Variants in ENTPD1 observed in about 807,000 individuals in gnomAD.
The protein encoded by ENTPD1 is ATP diphosphohydrolase.
ENTPD1 carries 33 observed loss-of-function variants against 57.0 expected under a neutral mutation model. The observed-to-expected ratio is 0.58, with a 90% CI of 0.44 to 0.77. ENTPD1 has a LOEUF of 0.77. Among genes scored for constraint, ENTPD1 ranks in the 30% least tolerant of loss-of-function variants. The probability of loss-of-function intolerance (pLI) is 0.00; values close to 1 mark genes in which losing one functional copy is unlikely to be tolerated. For missense variants in ENTPD1, 501 were observed against 603.4 expected (o/e 0.83, Z 1.78); for synonymous variants, 202 against 218.8 (o/e 0.92, Z 0.68).
chr10:95,831,558 T>C (rs1015525937), intron 2 of ENTPD1, among the ~76,000 whole-genome samples: 4 of 152,250 alleles, frequency 2.6e-5, no homozygotes, highest in African/African-American at 7.2e-5. Context: ...TCATGTCTTA[T>C]CATTTTTGCA....
At chr10:95,852,771 T>G (rs959511397) in intron 7 of ENTPD1, among the ~76,000 whole-genome samples, 5 of 152,220 alleles carry the variant, frequency 3.3e-5, no homozygotes, top group Non-Finnish European at 7.4e-5. Flanking sequence ...GAGGGCTCTG[T>G]TCTGTTCCAT....
At chr10:95,853,577 A>G (rs191433729) in intron 7 of ENTPD1, among the ~76,000 whole-genome samples, 2,109 of 152,224 alleles carry the variant, frequency 0.014, 45 homozygotes, top group Admixed American at 0.046. Flanking sequence ...TTTGTCATAG[A>G]TAGCTCTTAT....
rs2098486090 is a variant in ENTPD1 at position 95,876,662 on chromosome 10, TAATA to T, written c.*10281_*10284del. 1 of 1,226,210 alleles carries T rather than the reference TAATA, an allele frequency of 8.2e-7. No individual in the cohort carries two copies. Among genetic ancestry groups the T allele is most frequent in the Admixed American group, 4.2e-5 (1 of 23,584 alleles). The allele number at this position is 1,226,210 out of a possible 1,614,324, so 76.0% of individuals were successfully genotyped here. ...TGGCTGTCTTCTGGACAGGCCATTC[TAATA>T]ACAGAAACAAACAAGTTATTTTAAA... On this transcript the variant is annotated 3_prime_UTR_variant, in exon 10 of 10. Coordinates refer to ENST00000371205, the MANE Select transcript of ENTPD1 (RefSeq NM_001776.6).
chr10:95,801,583 T>A (rs1379097265), intron 1 of ENTPD1, among the ~76,000 whole-genome samples: 2 of 152,116 alleles, frequency 1.3e-5, no homozygotes, highest in Non-Finnish European at 1.5e-5. Flanking sequence ...TATTTATTTT[T>A]GAGGCAGAGA....
upstream of ENTPD1, chr10:95,755,530 T>C: frequency 1.6e-6 from 1 of 622,442 alleles, no homozygotes; most frequent in South Asian, 2.1e-5. Flanking sequence ...TGGGAAATGG[T>C]GGATGACTTT....
At chr10:95,841,140 A>C (rs2098421680) in intron 3 of ENTPD1, among the ~76,000 whole-genome samples, 1 of 152,104 alleles carries the variant, frequency 6.6e-6, no homozygotes, top group African/African-American at 2.4e-5. Flanking sequence ...TAATCCCAGC[A>C]CTTTGGGAGG....
chr10:95,859,307 C>T (rs1566249743), intron 7 of ENTPD1, among the ~76,000 whole-genome samples: 1 of 152,208 alleles, frequency 6.6e-6, no homozygotes, highest in Admixed American at 6.5e-5. Flanking sequence ...TCTGCTACCT[C>T]CTGTTTCTTT....
At chr10:95,833,290 T>C (rs2098401753) in intron 2 of ENTPD1, among the ~76,000 whole-genome samples, 1 of 152,198 alleles carries the variant, frequency 6.6e-6, no homozygotes, top group East Asian at 1.9e-4. Context: ...TATGTGTGTT[T>C]TACAGCAATT....
chr10:95,862,549 A>G (rs1330406612), intron 8 of ENTPD1, among the ~76,000 whole-genome samples: 1 of 152,218 alleles, frequency 6.6e-6, no homozygotes, highest in Non-Finnish European at 1.5e-5. Context: ...GGCAAGGGAA[A>G]TAAAATGCAA....
intron 1 of ENTPD1, among the ~76,000 whole-genome samples, chr10:95,779,502 T>C (rs1328177406): frequency 1.3e-5 from 2 of 152,220 alleles, no homozygotes; most frequent in East Asian, 3.8e-4. Context: ...TATTAATGTA[T>C]GCTGGAGTTG....
At chr10:95,787,658 G>T (rs1249608452) in intron 1 of ENTPD1, among the ~76,000 whole-genome samples, 1 of 152,106 alleles carries the variant, frequency 6.6e-6, no homozygotes, top group East Asian at 1.9e-4. Context: ...GTAGACTGTT[G>T]ATGCAGTATC....
chr10:95,785,975 A>G (rs941673922), intron 1 of ENTPD1, among the ~76,000 whole-genome samples: 2 of 152,198 alleles, frequency 1.3e-5, no homozygotes, highest in East Asian at 1.9e-4. Flanking sequence ...CCTAGCATCC[A>G]GTGGTGCTGC....
At chr10:95,836,177 A>T (rs1288673720) in intron 2 of ENTPD1, among the ~76,000 whole-genome samples, 1 of 152,082 alleles carries the variant, frequency 6.6e-6, no homozygotes, top group Non-Finnish European at 1.5e-5. Flanking sequence ...TGTTCCATTG[A>T]TCTATGTATC....
rs1268472933 is a variant in ENTPD1 at position 95,864,706 on chromosome 10, C to G, written c.1189-18C>G. The G allele has an allele frequency of 6.2e-7, 1 of 1,613,868 alleles. No homozygotes were observed. Among genetic ancestry groups the G allele is most frequent in the Non-Finnish European group, 8.5e-7 (1 of 1,179,968 alleles). ...TGCCTATCATACGAGTATGATCTCC[C>G]CCTCACTTCACTTCTAGATAAAAAC... is the stretch of plus-strand genomic sequence containing the variant. On this transcript the variant is annotated intron_variant, in intron 8 of 9. Transcript: ENST00000371205.
chr10:95,756,135 T>C (rs937698051), upstream of ENTPD1: 97 of 1,551,282 alleles, frequency 6.3e-5, no homozygotes, highest in Non-Finnish European at 7.5e-5. Flanking sequence ...GGGTCTGTTA[T>C]ATCTCTGTTT....
chr10:95,868,817 C>G lies in ENTPD1; in HGVS notation c.*2434C>G. The G allele has an allele frequency of 1.0e-6, 1 of 985,304 alleles. No homozygotes were observed. Among genetic ancestry groups the G allele is most frequent in the Non-Finnish European group, 1.2e-6 (1 of 829,920 alleles). 61.0% of individuals were successfully genotyped at this position (985,304 alleles called of 1,614,324 possible). On this transcript the variant is annotated 3_prime_UTR_variant, in exon 10 of 10. Coordinates refer to ENST00000371205, the MANE Select transcript of ENTPD1 (RefSeq NM_001776.6). The stretch of plus-strand genomic sequence containing the variant: ...AACACAAATCTTTTCTTATTCCATT[C>G]CTGTTTGGTTGCCTACGTCCAATCT...
At chr10:95,812,484 G>T (rs943314914) in intron 1 of ENTPD1, among the ~76,000 whole-genome samples, 1 of 152,134 alleles carries the variant, frequency 6.6e-6, no homozygotes, top group Non-Finnish European at 1.5e-5. Context: ...GTATACATTT[G>T]CCAGTTGCTA....
rs1240169301 is a variant in ENTPD1 at position 95,873,191 on chromosome 10, A to G, written c.*6808A>G. The G allele has an allele frequency of 3.0e-6, 3 of 985,338 alleles. No homozygotes were observed. The highest frequency in any genetic ancestry group is 3.5e-5 in the African/African-American group (2 of 57,244). 61.0% of individuals were successfully genotyped at this position (985,338 alleles called of 1,614,324 possible). On this transcript the variant is annotated 3_prime_UTR_variant, in exon 10 of 10. Coordinates refer to ENST00000371205, the MANE Select transcript of ENTPD1 (RefSeq NM_001776.6). ...TTTGCGTATCAAAGGTCTAGATGAC[A>G]TTATCATTCCAAAGAGTTTCTTTTA...
At chr10:95,766,327 T>G (rs751848884) in intron 1 of ENTPD1, among the ~76,000 whole-genome samples, 1 of 152,222 alleles carries the variant, frequency 6.6e-6, no homozygotes, top group Non-Finnish European at 1.5e-5. Flanking sequence ...TAGAATACTT[T>G]CAATTGTAGT....
Sources: allele counts gnomAD v4.1 joint callset (sites outside exome capture counted in the v4.1 genomes callset), GRCh38; gene constraint gnomAD v4.1.1; transcripts MANE v1.5; gene names NCBI Gene and HGNC (gene_info 2026-07-23, HGNC 2026-07-21).